The following ZNF721 variants were observed in gnomAD, a reference collection of about 807,000 sequenced individuals.
ZNF721 encodes zinc finger protein 721.
Under a neutral mutation model 2.4 loss-of-function variants are expected in ZNF721, and 2 were observed. That is an observed-to-expected ratio of 0.82 (90% CI 0.34 to 2.58). The LOEUF is 2.58. ZNF721 is among the 30% of genes most tolerant of loss of function. The pLI is 0.11. For synonymous variants in ZNF721, 398 were observed against 381.8 expected, an observed-to-expected ratio of 1.04 and a Z score of -0.50; for missense variants, 1,187 against 1,085.5, an observed-to-expected ratio of 1.09 and a Z score of -1.31.
rs782581390 is a variant in ZNF721, at chr4:443,010, G to A, written c.1457C>T (p.Ser486Leu). Residue 486 changes from serine to leucine, a missense_variant, in exon 3 of 3, where the codon TCA becomes TTA. Transcript: ENST00000511833. ...AATCCTCTTATGTTTAGCAAAGCTT[G>A]AGGATGAGGTAATGACTTTGCCACA... Reference protein sequence around the residue: ...KQCGKVITSSSSFAKHKRIHT... With the variant: ...KQCGKVITSSLSFAKHKRIHT... The A allele has an allele frequency of 1.2e-6, 2 of 1,613,070 alleles. No homozygotes were observed. Among genetic ancestry groups the A allele is most frequent in the Admixed American group, 1.7e-5 (1 of 59,986 alleles).
chr4:458,122 G>A (rs1317393388), intron 2 of ZNF721, among the ~76,000 whole-genome samples: 2 of 152,254 alleles, frequency 1.3e-5, no homozygotes, highest in Non-Finnish European at 2.9e-5. Flanking sequence ...GACACAGCGG[G>A]AGCCACACCT....
intron 1 of ZNF721, among the ~76,000 whole-genome samples, chr4:488,824 AT>A (rs1553870998): frequency 6.6e-6 from 1 of 151,986 alleles, no homozygotes; most frequent in Non-Finnish European, 1.5e-5. Context: ...GCGATACTCC[AT>A]CTCAAAAAAA....
chr4:488,891 T>C (rs1715959702), intron 1 of ZNF721, among the ~76,000 whole-genome samples: 1 of 151,896 alleles, frequency 6.6e-6, no homozygotes, highest in African/African-American at 2.4e-5. Context: ...GAGGAGGCAG[T>C]CAGAGGCTGG....
intron 2 of ZNF721, among the ~76,000 whole-genome samples, chr4:456,426 A>C (rs1255978835): frequency 6.6e-6 from 1 of 152,222 alleles, no homozygotes; most frequent in Non-Finnish European, 1.5e-5. Context: ...GGCAAACATC[A>C]CATAGATAAC....
intron 1 of ZNF721, among the ~76,000 whole-genome samples, chr4:496,510 C>G (rs1320782170): frequency 6.6e-6 from 1 of 151,942 alleles, no homozygotes; most frequent in African/African-American, 2.4e-5. Context: ...CTGAGAATGC[C>G]CCGAAAAGCT....
rs1553863384 is a variant in ZNF721, at chr4:442,538, A to C, written c.1929T>G (p.Cys643Trp). The C allele has an allele frequency of 1.2e-6, 2 of 1,613,776 alleles. No homozygotes were observed. Among genetic ancestry groups the C allele is most frequent in the East Asian group, 4.5e-5 (2 of 44,896 alleles). Residue 643 changes from cysteine (C) to tryptophan (W), a missense_variant, in exon 3 of 3, where the codon TGT becomes TGG. By Grantham distance (215) the Cys-to-Trp change is radical. Coordinates refer to ENST00000511833, the MANE Select transcript of ZNF721 (RefSeq NM_133474.4). Reference protein sequence around the residue: ...KIYTGEKPYKCEECGKAFAPS... With the variant: ...KIYTGEKPYKWEECGKAFAPS... The stretch of plus-strand genomic sequence containing the variant: ...GGGCAAAGGCTTTGCCACACTCTTC[A>C]CATTTGTAAGGTTTCTCCCCAGTGT...
At chr4:482,557 C>A (rs532004143) in intron 1 of ZNF721, among the ~76,000 whole-genome samples, 3 of 152,006 alleles carry the variant, frequency 2.0e-5, no homozygotes, top group Non-Finnish European at 4.4e-5. Flanking sequence ...AGTGAAGTGG[C>A]GTGATCTCGG....
intron 2 of ZNF721, among the ~76,000 whole-genome samples, chr4:465,247 C>A (rs1553866599): frequency 6.6e-6 from 1 of 151,922 alleles, no homozygotes; most frequent in Non-Finnish European, 1.5e-5. Flanking sequence ...CTTAGCTGGA[C>A]CTGGTGGCGT....
At chr4:448,585 T>C (rs1415170414) in intron 2 of ZNF721, among the ~76,000 whole-genome samples, 1 of 152,158 alleles carries the variant, frequency 6.6e-6, no homozygotes, top group African/African-American at 2.4e-5. Flanking sequence ...ATTGTAGTAA[T>C]AGAAACAGCA....
intron 1 of ZNF721, among the ~76,000 whole-genome samples, chr4:496,369 C>T (rs1210667949): frequency 2.1e-5 from 3 of 145,406 alleles, no homozygotes; most frequent in Non-Finnish European, 4.7e-5. Flanking sequence ...CGGGAGGGGT[C>T]ACCTCCTTAT....
chr4:498,215 GAAAAAAAAAAAAAA>G lies in ZNF721; in HGVS notation c.-94+827_-94+840del, dbSNP rs797042296. On this transcript the variant is annotated intron_variant, in intron 1 of 2. Transcript: ENST00000511833. ...GTGAGATTTCATCTGAAAAGAAAAAGAAAAAAAAAAAAAAAAAAAAAAAAAGAAGGACATTGGTT... is the reference window on the plus strand; with the variant it reads ...GTGAGATTTCATCTGAAAAGAAAAAGAAAAAAAAAAAGAAGGACATTGGTT... Among the ~76,000 whole-genome samples, 215 of 83,942 alleles carry G rather than the reference GAAAAAAAAAAAAAA, an allele frequency of 2.6e-3. 2 individuals carry two copies. Among genetic ancestry groups the G allele is most frequent in the African/African-American group, 9.1e-3 (209 of 22,982 alleles). 55.1% of individuals were successfully genotyped at this position (83,942 alleles called of 152,430 possible).
At chr4:482,066 A>C (rs1252909248) in intron 1 of ZNF721, among the ~76,000 whole-genome samples, 1 of 152,240 alleles carries the variant, frequency 6.6e-6, no homozygotes, top group African/African-American at 2.4e-5. Flanking sequence ...ATTTTGGGCG[A>C]GTCAGTAAAG....
In ZNF721 at chr4:444,725, A is replaced by G. The variant is rs782398526; in HGVS notation, c.35-293T>C. Among the ~76,000 whole-genome samples the G allele has an allele frequency of 2.2e-4, 33 of 152,338 alleles. 1 individual carries two copies. Among genetic ancestry groups the G allele is most frequent in the Non-Finnish European group, 4.0e-4 (27 of 68,022 alleles). ...CCACCAACAGCTCTTCCTCCCCAATATAGCACTATGCCATTAGAAGAAAGC... is the reference window on the plus strand; with the variant it reads ...CCACCAACAGCTCTTCCTCCCCAATGTAGCACTATGCCATTAGAAGAAAGC... On this transcript the variant is annotated intron_variant, in intron 2 of 2. Coordinates refer to ENST00000511833, the MANE Select transcript of ZNF721 (RefSeq NM_133474.4).
rs1431382778 is a variant in ZNF721, at chr4:444,393, T to C, written c.74A>G (p.Gln25Arg). Residue 25 changes from glutamine to arginine, a missense_variant, in exon 3 of 3, where the codon CAG becomes CGG. By Grantham distance (43) the Gln-to-Arg change is conservative (BLOSUM62 1). Coordinates refer to ENST00000511833, the MANE Select transcript of ZNF721 (RefSeq NM_133474.4). Reference protein sequence around the residue: ...SHFTQDFLPVQGIEDSFHKLI... With the variant: ...SHFTQDFLPVRGIEDSFHKLI... ...TTTGTGGAATGAATCTTCTATCCCC[T>C]GCACTGGCAAAAAGTCTTGGGTGAA... The C allele has an allele frequency of 1.3e-6, 2 of 1,598,358 alleles. No individual in the cohort carries two copies. The highest frequency in any genetic ancestry group is 1.7e-6 in the Non-Finnish European group (2 of 1,173,836).
intron 2 of ZNF721, among the ~76,000 whole-genome samples, chr4:449,053 T>A (rs924088074): frequency 2.5e-4 from 38 of 152,172 alleles, no homozygotes; most frequent in African/African-American, 9.2e-4. Flanking sequence ...AAAGCAGAAT[T>A]GTTTTTGTAA....
intron 1 of ZNF721, among the ~76,000 whole-genome samples, chr4:481,533 T>C (rs61793728): frequency 0.18 from 27,771 of 152,020 alleles, 3,127 homozygotes; most frequent in Middle Eastern, 0.25. Context: ...TATTCACTTC[T>C]GGCTGTTGTG....
chr4:447,589 T>C (rs1443267302), intron 2 of ZNF721, among the ~76,000 whole-genome samples: 1 of 152,142 alleles, frequency 6.6e-6, no homozygotes, highest in Non-Finnish European at 1.5e-5. Flanking sequence ...CCATTCGAAA[T>C]ACATGCACCA....
intron 2 of ZNF721, among the ~76,000 whole-genome samples, chr4:450,979 A>G (rs1553864793): frequency 8.1e-6 from 1 of 123,284 alleles, no homozygotes; most frequent in Non-Finnish European, 1.7e-5. Context: ...ATATATATAT[A>G]TATATATATA....
intron 1 of ZNF721, among the ~76,000 whole-genome samples, chr4:473,024 T>C (rs1715487671): frequency 6.6e-6 from 1 of 152,066 alleles, no homozygotes; most frequent in Non-Finnish European, 1.5e-5. Context: ...ACCTTGGCCT[T>C]GCTATAATAT....
Sources: gnomAD v4.1 joint callset for allele counts (sites outside exome capture counted in the v4.1 genomes callset) on GRCh38, gnomAD v4.1.1 for gene constraint, MANE v1.5 for transcripts, NCBI Gene and HGNC (gene_info 2026-07-23, HGNC 2026-07-21) for gene names.